ANKRD44: variants seen among roughly 807,000 people sequenced by gnomAD.
ANKRD44 encodes ankyrin repeat domain 44.
In ANKRD44, 35 loss-of-function variants were observed where a neutral mutation model predicts 116.0. The observed-to-expected ratio is 0.30, with a 90% CI of 0.23 to 0.40. The LOEUF is 0.40. Among genes scored for constraint, ANKRD44 ranks in the 10% least tolerant of loss-of-function variants. The probability of loss-of-function intolerance (pLI) is 1.00; values close to 1 mark genes in which losing one functional copy is unlikely to be tolerated. For synonymous variants in ANKRD44, 435 were observed against 461.8 expected, an observed-to-expected ratio of 0.94 and a Z score of 0.74; for missense variants, 1,014 against 1,242.6, an observed-to-expected ratio of 0.82 and a Z score of 2.77.
chr2:196,982,128 A>ATATATATATATATATG (rs2075806307), downstream of ANKRD44, among the ~76,000 whole-genome samples: 11 of 146,120 alleles, frequency 7.5e-5, no homozygotes, highest in Non-Finnish European at 3.0e-5. Context: ...ATATATATAT[A>ATATATATATATATATG]TGCAGAGACA....
intron 8 of ANKRD44, among the ~76,000 whole-genome samples, 191 bp downstream of exon 8, chr2:197,121,141 C>G (rs1204913993): frequency 6.6e-6 from 1 of 152,098 alleles, no homozygotes; most frequent in Non-Finnish European, 1.5e-5. Context: ...CTTCGTCAGG[C>G]TGGTCTTGAA....
intron 4 of ANKRD44, 80 bp from the exon 5 acceptor site, chr2:197,126,117 C>A: frequency 1.4e-6 from 2 of 1,450,770 alleles, no homozygotes; most frequent in South Asian, 2.4e-5. Context: ...TTCACCAAAC[C>A]CTGGAACTAT....
At chr2:197,127,103 G>A (rs527851066) in intron 4 of ANKRD44, among the ~76,000 whole-genome samples, 5 of 152,262 alleles carry the variant, frequency 3.3e-5, no homozygotes, top group East Asian at 3.9e-4. Context: ...CATTTCATAG[G>A]CAGCTTTATT....
At chr2:197,033,420 G>T (rs2124904800) in intron 16 of ANKRD44, among the ~76,000 whole-genome samples, 2 of 152,282 alleles carry the variant, frequency 1.3e-5, no homozygotes, top group Middle Eastern at 6.8e-3. Flanking sequence ...TACGAGTCAA[G>T]CACTCTCCTA....
chr2:197,256,980 A>G (rs2082465071), intron 1 of ANKRD44, among the ~76,000 whole-genome samples: 1 of 152,234 alleles, frequency 6.6e-6, no homozygotes. Context: ...CAGGAGGTAC[A>G]GAAAAGAGAG....
At chr2:197,008,095 G>A (rs543422372) in intron 19 of ANKRD44, among the ~76,000 whole-genome samples, 172 bp from the exon 20 acceptor site, 2 of 152,182 alleles carry the variant, frequency 1.3e-5, no homozygotes, top group South Asian at 4.1e-4. Context: ...CAAGCTATCT[G>A]CCTCTGCTCT....
At chr2:197,213,132 T>C (rs552229155) in intron 1 of ANKRD44, among the ~76,000 whole-genome samples, 31 of 152,284 alleles carry the variant, frequency 2.0e-4, no homozygotes, top group Admixed American at 1.8e-3. Flanking sequence ...ATTTTGACTC[T>C]ACAAGACTTC....
intron 21 of ANKRD44, among the ~76,000 whole-genome samples, chr2:196,971,639 T>G (rs1324861881): frequency 5.3e-5 from 8 of 152,222 alleles, no homozygotes; most frequent in African/African-American, 1.9e-4. Context: ...GGCATGCGTG[T>G]CTCTACTTTT....
At chr2:197,042,147 T>C (rs1213555214) in intron 16 of ANKRD44, among the ~76,000 whole-genome samples, 1 of 152,164 alleles carries the variant, frequency 6.6e-6, no homozygotes, top group Non-Finnish European at 1.5e-5. Context: ...GTGTGTCAAT[T>C]TAAAAAATGG....
chr2:196,993,654 C>A lies in ANKRD44; in HGVS notation c.2852G>T (p.Arg951Leu), dbSNP rs767303463. The A allele has an allele frequency of 1.9e-6, 3 of 1,550,962 alleles. No individual in the cohort carries two copies. The highest frequency in any genetic ancestry group is 1.7e-4 in the Middle Eastern group (1 of 5,998). The change falls in exon 27 of 28, where the codon CGC (arginine) becomes CTC (leucine). Residue 951 changes from arginine to leucine, a missense_variant. Physicochemically the swap from Arg to Leu is moderately radical, Grantham distance 102. Coordinates refer to ENST00000282272, the MANE Select transcript of ANKRD44 (RefSeq NM_001195144.2). ...ALQTPLHVAARNGLKVVVEEL... is the reference protein window; with the variant it reads ...ALQTPLHVAALNGLKVVVEEL... The stretch of plus-strand genomic sequence containing the variant: ...CTCAACTACCACCTTTAAGCCATTG[C>A]GCGCAGCGACGTGGAGGGGTCTAAA...
intron 15 of ANKRD44, among the ~76,000 whole-genome samples, chr2:197,080,430 G>T (rs1429265330): frequency 6.6e-6 from 1 of 152,156 alleles, no homozygotes; most frequent in Non-Finnish European, 1.5e-5. Context: ...GCCTCCCTTT[G>T]CATAGAAGAA....
At chr2:197,278,419 T>G (rs986585391) in intron 1 of ANKRD44, among the ~76,000 whole-genome samples, 5 of 151,674 alleles carry the variant, frequency 3.3e-5, no homozygotes, top group South Asian at 2.1e-4. Context: ...TGCAGTGGTG[T>G]GATCTCGGCT....
chr2:197,053,106 G>A (rs896111843), intron 16 of ANKRD44, among the ~76,000 whole-genome samples: 2 of 152,150 alleles, frequency 1.3e-5, no homozygotes, highest in Non-Finnish European at 2.9e-5. Flanking sequence ...AGGAGGTGGA[G>A]GCTGTGGTGA....
At chr2:197,123,439 T>C (rs1192162507) in intron 6 of ANKRD44, among the ~76,000 whole-genome samples, 1 of 152,188 alleles carries the variant, frequency 6.6e-6, no homozygotes, top group Non-Finnish European at 1.5e-5. Flanking sequence ...AGAATAAGCC[T>C]GTACAACATG....
intron 16 of ANKRD44, among the ~76,000 whole-genome samples, chr2:197,056,518 T>G (rs2077206912): frequency 6.6e-6 from 1 of 152,182 alleles, no homozygotes; most frequent in African/African-American, 2.4e-5. Context: ...ATTTTCTATT[T>G]GATGTTGCTG....
At chr2:197,125,799 G>A (rs752328133) in intron 5 of ANKRD44, 38 bp downstream of exon 5, 8 of 1,602,450 alleles carry the variant, frequency 5.0e-6, no homozygotes, top group Non-Finnish European at 6.8e-6. Context: ...GAAAGTCCTG[G>A]AGGGAGCGTT....
chr2:196,971,844 T>C (rs2075718014), intron 21 of ANKRD44, among the ~76,000 whole-genome samples: 1 of 152,168 alleles, frequency 6.6e-6, no homozygotes, highest in Non-Finnish European at 1.5e-5. Context: ...ATGCATCCAA[T>C]TGTAGTCTGT....
At chr2:197,045,078 T>C (rs1475871239) in intron 16 of ANKRD44, among the ~76,000 whole-genome samples, 1 of 142,430 alleles carries the variant, frequency 7.0e-6, no homozygotes, top group Admixed American at 7.5e-5. Flanking sequence ...AACCATAAGC[T>C]GGATTTCTTT....
chr2:197,198,385 A>G (rs1342169952), intron 1 of ANKRD44, among the ~76,000 whole-genome samples: 2 of 152,178 alleles, frequency 1.3e-5, no homozygotes, highest in Non-Finnish European at 2.9e-5. Flanking sequence ...AAAAGGCTGG[A>G]GTGTCATAAC....
Sources: allele counts gnomAD v4.1 joint callset (sites outside exome capture counted in the v4.1 genomes callset), GRCh38; gene constraint gnomAD v4.1.1; transcripts MANE v1.5; gene names NCBI Gene and HGNC (gene_info 2026-07-23, HGNC 2026-07-21).